SMARCC1: variants seen among roughly 807,000 people sequenced by gnomAD.
SMARCC1 encodes SWI/SNF related BAF chromatin remodeling complex subunit C1.
SMARCC1 carries 43 observed loss-of-function variants against 147.4 expected under a neutral mutation model. That is an observed-to-expected ratio of 0.29 (90% CI 0.23 to 0.38). SMARCC1 has a LOEUF of 0.38. Among genes scored for constraint, SMARCC1 ranks in the 10% least tolerant of loss-of-function variants. SMARCC1 has a pLI of 1.00. For missense variants in SMARCC1, 1,119 were observed against 1,381.1 expected, an observed-to-expected ratio of 0.81 and a Z score of 3.01; for synonymous variants, 495 against 484.4, an observed-to-expected ratio of 1.02 and a Z score of -0.29.
rs1225631578 is a variant in SMARCC1, at chr3:47,781,872, C to G, written c.-75G>C. On this transcript the variant is annotated 5_prime_UTR_variant, in exon 1 of 28. Coordinates refer to ENST00000254480, the MANE Select transcript of SMARCC1 (RefSeq NM_003074.4). ...GTTTCCCGGTCGTTCCCGCGCGCAC[C>G]CCCGCGCGCGTAGCCGCCACTGCCG... 1.9e-6 allele frequency: 2 copies of G among 1,054,714 alleles called. No homozygotes were observed. The highest frequency in any genetic ancestry group is 2.4e-6 in the Non-Finnish European group (2 of 820,980). 65.3% of individuals were successfully genotyped at this position (1,054,714 alleles called of 1,614,324 possible).
At chr3:47,770,673 A>G (rs1417261887) in intron 2 of SMARCC1, among the ~76,000 whole-genome samples, 1 of 152,128 alleles carries the variant, frequency 6.6e-6, no homozygotes, top group Non-Finnish European at 1.5e-5. Flanking sequence ...CTCTATCTTT[A>G]TAAATTAAAA....
chr3:47,754,672 A>T (rs2034667164), intron 2 of SMARCC1, among the ~76,000 whole-genome samples: 1 of 152,146 alleles, frequency 6.6e-6, no homozygotes, highest in Non-Finnish European at 1.5e-5. Flanking sequence ...AAGAAAGCAA[A>T]TCCCCAGGTG....
intron 19 of SMARCC1, chr3:47,663,483 C>T (rs1006684046): frequency 3.3e-6 from 2 of 610,778 alleles, no homozygotes; most frequent in Non-Finnish European, 2.9e-6. Context: ...TAGTGGCACA[C>T]ATCTGTACTC....
At chr3:47,658,452 G>C (rs1485957193) in intron 21 of SMARCC1, among the ~76,000 whole-genome samples, 3 of 152,198 alleles carry the variant, frequency 2.0e-5, no homozygotes, top group African/African-American at 7.2e-5. Context: ...CGCTTATGCA[G>C]AGCAACCATT....
intron 7 of SMARCC1, among the ~76,000 whole-genome samples, chr3:47,717,092 C>T (rs1419458080): frequency 6.6e-6 from 1 of 152,116 alleles, no homozygotes; most frequent in Non-Finnish European, 1.5e-5. Flanking sequence ...TTGAATGAAT[C>T]TAAAGACAAA....
chr3:47,770,961 G>A (rs542134655), intron 2 of SMARCC1, among the ~76,000 whole-genome samples: 3 of 151,916 alleles, frequency 2.0e-5, no homozygotes, highest in African/African-American at 7.3e-5. Context: ...GCCCAGGCCG[G>A]AGGCAGTGGC....
chr3:47,706,740 T>C (rs1409613651), intron 9 of SMARCC1, among the ~76,000 whole-genome samples: 1 of 152,200 alleles, frequency 6.6e-6, no homozygotes, highest in Non-Finnish European at 1.5e-5. Context: ...AATGGAAATA[T>C]CGGCTATCAG....
At chr3:47,709,855 T>TA (rs2034063107) in intron 9 of SMARCC1, among the ~76,000 whole-genome samples, 2 of 152,170 alleles carry the variant, frequency 1.3e-5, no homozygotes, top group Admixed American at 1.3e-4. Context: ...ACTTGTGCCT[T>TA]ACAAGGAATC....
At chr3:47,684,291 G>C (rs899129462) in intron 14 of SMARCC1, among the ~76,000 whole-genome samples, 1 of 150,894 alleles carries the variant, frequency 6.6e-6, no homozygotes, top group African/African-American at 2.4e-5. Flanking sequence ...AACTATGCTC[G>C]AAGCATGCCA....
At chr3:47,656,918 TCAACAA>T (rs529787207) in intron 21 of SMARCC1, among the ~76,000 whole-genome samples, 1 of 151,618 alleles carries the variant, frequency 6.6e-6, no homozygotes, top group Non-Finnish European at 1.5e-5. Flanking sequence ...AGACTCCATC[TCAACAA>T]CAACAACAAC....
intron 24 of SMARCC1, among the ~76,000 whole-genome samples, chr3:47,622,732 C>T (rs1025330167): frequency 6.6e-6 from 1 of 152,202 alleles, no homozygotes; most frequent in Non-Finnish European, 1.5e-5. Context: ...GGCAGGCAGG[C>T]TGCTGAGGAC....
chr3:47,700,595 T>C (rs925009297), intron 11 of SMARCC1, among the ~76,000 whole-genome samples: 1 of 152,198 alleles, frequency 6.6e-6, no homozygotes, highest in African/African-American at 2.4e-5. Flanking sequence ...CTCAGCTCAC[T>C]GCAACCTCCG....
chr3:47,725,741 C>T (rs553365241), intron 6 of SMARCC1, among the ~76,000 whole-genome samples: 13 of 152,030 alleles, frequency 8.6e-5, no homozygotes, highest in African/African-American at 2.4e-4. Context: ...CATGAGCCAT[C>T]GGGCCCAGCC....
chr3:47,748,487 G>T (rs574585678), intron 2 of SMARCC1, among the ~76,000 whole-genome samples: 1 of 152,212 alleles, frequency 6.6e-6, no homozygotes, highest in East Asian at 1.9e-4. Context: ...GCCTCCCAAA[G>T]TGCTGGGATT....
intron 12 of SMARCC1, among the ~76,000 whole-genome samples, chr3:47,691,769 G>A (rs535556820): frequency 2.4e-3 from 367 of 152,214 alleles, no homozygotes; most frequent in African/African-American, 8.4e-3. Context: ...GGAGGCTGAG[G>A]TGGGTGGATC....
chr3:47,730,860 C>T (rs878955727), intron 5 of SMARCC1, among the ~76,000 whole-genome samples: 2 of 150,174 alleles, frequency 1.3e-5, no homozygotes, highest in Non-Finnish European at 3.0e-5. Context: ...GAGCAAAATG[C>T]CATCTCAAAA....
intron 19 of SMARCC1, chr3:47,664,027 T>A: frequency 1.5e-6 from 1 of 675,766 alleles, no homozygotes; most frequent in Non-Finnish European, 2.4e-6. Context: ...CCTCCTCTCC[T>A]TTGAGAGGCC....
At position 47,659,312 on chromosome 3, in the gene SMARCC1, C is replaced by T. The variant is rs1348491038; in HGVS notation, c.2320+1982G>A. Among the ~76,000 whole-genome samples, 10 of 148,674 alleles carry T rather than the reference C, an allele frequency of 6.7e-5. No individual in the cohort carries two copies. The East Asian group carries it at 1.8e-3, about 26-fold the overall frequency. Reference sequence around the variant, plus strand: ...AAAAAAGAAAAAAAAAAGAACAATTCCTAACTTATTCTTTGAGGCTGGTTA... The same window carrying T: ...AAAAAAGAAAAAAAAAAGAACAATTTCTAACTTATTCTTTGAGGCTGGTTA... On this transcript the variant is annotated intron_variant, in intron 21 of 27. Coordinates refer to ENST00000254480, the MANE Select transcript of SMARCC1 (RefSeq NM_003074.4).
At position 47,588,310 on chromosome 3, in the gene SMARCC1, C is replaced by A. The variant is rs1048039596; in HGVS notation, c.3221-4G>T. On this transcript the variant is annotated splice_polypyrimidine_tract_variant and splice_region_variant and intron_variant, in intron 27 of 27. Coordinates refer to ENST00000254480, the MANE Select transcript of SMARCC1 (RefSeq NM_003074.4). ...TGCTGCTGTGGTGGAGGGGGATCTG[C>A]AAACATATCCAAGAGTAACTCGTTA... 5 of 1,612,268 alleles carry A rather than the reference C, an allele frequency of 3.1e-6. No homozygotes were observed. The African/African-American group carries it at 6.7e-5, about 22-fold the overall frequency.
Sources: gnomAD v4.1 joint callset for allele counts (sites outside exome capture counted in the v4.1 genomes callset) on GRCh38, gnomAD v4.1.1 for gene constraint, MANE v1.5 for transcripts, NCBI Gene and HGNC (gene_info 2026-07-23, HGNC 2026-07-21) for gene names.